LRP1B: variants seen among roughly 807,000 people sequenced by gnomAD.
LRP1B encodes the protein LDL receptor related protein 1B, also known as low-density lipoprotein receptor-related protein 1B.
LRP1B carries 217 observed loss-of-function variants against 556.6 expected under a neutral mutation model. The observed-to-expected ratio is 0.39, with a 90% CI of 0.35 to 0.44. The LOEUF is 0.44. LRP1B is among the 20% of genes least tolerant of loss of function. LRP1B has a pLI of 1.00. For missense variants in LRP1B, 5,053 were observed against 5,620.8 expected (o/e 0.90, Z 3.23); for synonymous variants, 2,047 against 1,865.8 (o/e 1.10, Z -2.50).
At chr2:141,544,505 G>A (rs920537722) in intron 2 of LRP1B, among the ~76,000 whole-genome samples, 5 of 148,856 alleles carry the variant, frequency 3.4e-5, no homozygotes, top group African/African-American at 1.2e-4. Context: ...GGTCTTGAAC[G>A]CCTGGCCTCA....
chr2:140,575,524 T>C (rs150739660), intron 43 of LRP1B, among the ~76,000 whole-genome samples: 1 of 152,326 alleles, frequency 6.6e-6, no homozygotes, highest in East Asian at 1.9e-4. Flanking sequence ...ATCTTACTTT[T>C]AGTTCTACAT....
At chr2:141,936,421 C>T (rs1574507740) in intron 1 of LRP1B, among the ~76,000 whole-genome samples, 1 of 152,060 alleles carries the variant, frequency 6.6e-6, no homozygotes, top group Non-Finnish European at 1.5e-5. Context: ...TTTCTATAGA[C>T]AAACAGCAAC....
chr2:141,984,627 A>G (rs1380268415), intron 1 of LRP1B, among the ~76,000 whole-genome samples: 1 of 152,168 alleles, frequency 6.6e-6, no homozygotes, highest in South Asian at 2.1e-4. Flanking sequence ...TACCTGGGGT[A>G]CCTTGCTATA....
intron 1 of LRP1B, among the ~76,000 whole-genome samples, chr2:142,124,132 C>G (rs891466872): frequency 6.6e-6 from 1 of 151,730 alleles, no homozygotes; most frequent in African/African-American, 2.4e-5. Flanking sequence ...TATTATCTTA[C>G]CACCCAGGTG....
chr2:141,481,453 T>C (rs1422412810), intron 2 of LRP1B, among the ~76,000 whole-genome samples: 2 of 152,202 alleles, frequency 1.3e-5, no homozygotes, highest in East Asian at 1.9e-4. Context: ...ACATAGATTA[T>C]TGCAACAGCC....
chr2:140,432,117 C>T (rs1685971360), intron 66 of LRP1B, among the ~76,000 whole-genome samples: 1 of 152,160 alleles, frequency 6.6e-6, no homozygotes, highest in Admixed American at 6.5e-5. Context: ...TGGCCTGTTC[C>T]TGCCTTAACT....
chr2:141,220,622 G>GAA (rs553644230), intron 6 of LRP1B, among the ~76,000 whole-genome samples: 1 of 118,192 alleles, frequency 8.5e-6, no homozygotes, highest in African/African-American at 3.1e-5. Flanking sequence ...TCCAAGGTTG[G>GAA]AAAAAAAAAA....
chr2:141,042,909 A>C (rs952014269), intron 11 of LRP1B, among the ~76,000 whole-genome samples: 12 of 151,726 alleles, frequency 7.9e-5, no homozygotes, highest in African/African-American at 2.4e-4. Flanking sequence ...TTTACGTAAA[A>C]TTATAAAAAT....
chr2:141,918,447 T>C (rs766629541), intron 1 of LRP1B, among the ~76,000 whole-genome samples: 11 of 152,002 alleles, frequency 7.2e-5, no homozygotes, highest in Non-Finnish European at 1.6e-4. Context: ...TGGTATCGAG[T>C]GATTTTTTTT....
chr2:141,241,044 C>G (rs921819135), intron 5 of LRP1B, among the ~76,000 whole-genome samples: 1 of 151,998 alleles, frequency 6.6e-6, no homozygotes, highest in African/African-American at 2.4e-5. Context: ...AAACCAAAAC[C>G]AACATAGAAT....
In LRP1B at chr2:140,625,170, A is replaced by T. The variant is rs116234847; in HGVS notation, c.6800-23531T>A. ...AACTACTCTGGAGAAGGGTAGAAGCAGGTCAACTGGAAAGGTACTCAAATA... is the reference window on the plus strand; with the variant it reads ...AACTACTCTGGAGAAGGGTAGAAGCTGGTCAACTGGAAAGGTACTCAAATA... On this transcript the variant is annotated intron_variant, in intron 41 of 90. Coordinates refer to ENST00000389484, the MANE Select transcript of LRP1B (RefSeq NM_018557.3). 2.2e-3 allele frequency among the ~76,000 whole-genome samples: 340 copies of T among 152,332 alleles called. 1 individual carries two copies. The highest frequency in any genetic ancestry group is 7.3e-3 in the Admixed American group (111 of 15,298).
intron 7 of LRP1B, among the ~76,000 whole-genome samples, chr2:141,115,915 A>T (rs1700886923): frequency 6.6e-6 from 1 of 152,170 alleles, no homozygotes; most frequent in Admixed American, 6.5e-5. Context: ...TACATCCTAA[A>T]ACAACATGAA....
At position 141,229,423 on chromosome 2, in the gene LRP1B, G is replaced by A. The variant is rs751207342; in HGVS notation, c.610C>T (p.Pro204Ser). Reference sequence around the variant, plus strand: ...TCAAAATTTGCAATTAATAGTATAGGTGGTCTATCTGTAGGTTCTGGAATA... The same window carrying A: ...TCAAAATTTGCAATTAATAGTATAGATGGTCTATCTGTAGGTTCTGGAATA... Reference protein sequence around the residue: ...KAKIEPTDRPPILLIANFETI... With the variant: ...KAKIEPTDRPSILLIANFETI... The change falls in exon 6 of 91, where the codon CCT becomes TCT. Residue 204 changes from proline to serine, a missense_variant. Pro to Ser is a moderately conservative substitution (Grantham distance 74). Coordinates refer to ENST00000389484, the MANE Select transcript of LRP1B (RefSeq NM_018557.3). 1 of 1,579,950 alleles carries A rather than the reference G, an allele frequency of 6.3e-7. No individual in the cohort carries two copies. Among genetic ancestry groups the A allele is most frequent in the South Asian group, 1.1e-5 (1 of 89,250 alleles).
At chr2:140,291,904 G>C (rs541860854) in intron 84 of LRP1B, among the ~76,000 whole-genome samples, 301 of 152,218 alleles carry the variant, frequency 2.0e-3, no homozygotes, top group African/African-American at 7.1e-3. Flanking sequence ...CACAATGGTT[G>C]AACTAGTTTA....
At chr2:141,510,185 C>T (rs7590820) in intron 2 of LRP1B, among the ~76,000 whole-genome samples, 146,413 of 150,258 alleles carry the variant, frequency 0.97, 71,447 homozygotes, top group East Asian at 1. Context: ...GTTATGAGTT[C>T]GGCAATACAG....
chr2:140,351,817 T>G (rs2105118962), intron 76 of LRP1B, among the ~76,000 whole-genome samples: 1 of 152,272 alleles, frequency 6.6e-6, no homozygotes, highest in Admixed American at 6.5e-5. Flanking sequence ...TAGCTGTCAC[T>G]TAGCAAATGC....
At chr2:140,920,747 T>TAC (rs925231370) in intron 21 of LRP1B, among the ~76,000 whole-genome samples, 1 of 152,026 alleles carries the variant, frequency 6.6e-6, no homozygotes, top group Non-Finnish European at 1.5e-5. Context: ...GATAAATTAT[T>TAC]ACCTTTCACT....
intron 5 of LRP1B, among the ~76,000 whole-genome samples, chr2:141,231,049 C>T (rs550798242): frequency 1.3e-3 from 201 of 152,226 alleles, no homozygotes; most frequent in Non-Finnish European, 2.0e-3. Flanking sequence ...TTTCATGAAA[C>T]GCAACAAAAA....
At chr2:140,891,126 T>C (rs1444694949) in intron 23 of LRP1B, among the ~76,000 whole-genome samples, 1 of 152,150 alleles carries the variant, frequency 6.6e-6, no homozygotes, top group Admixed American at 6.5e-5. Flanking sequence ...ATGAGATATG[T>C]ACAAAATAAA....
Sources: gnomAD v4.1 joint callset for allele counts (sites outside exome capture counted in the v4.1 genomes callset) on GRCh38, gnomAD v4.1.1 for gene constraint, MANE v1.5 for transcripts, NCBI Gene and HGNC (gene_info 2026-07-23, HGNC 2026-07-21) for gene names.